The following ARHGAP26 variants were observed in gnomAD, a reference collection of about 807,000 sequenced individuals.
The protein encoded by ARHGAP26 is Rho GTPase activating protein 26, also known as rho GTPase-activating protein 26.
A neutral mutation model predicts 104.8 loss-of-function variants in ARHGAP26; 38 were observed. The observed-to-expected ratio is 0.36, with a 90% CI of 0.28 to 0.48. ARHGAP26 has a LOEUF of 0.48. Among genes scored for constraint, ARHGAP26 ranks in the 20% least tolerant of loss-of-function variants. The pLI is 0.99. For missense variants in ARHGAP26, 704 were observed against 947.9 expected, an observed-to-expected ratio of 0.74 and a Z score of 3.38; for synonymous variants, 341 against 340.0, an observed-to-expected ratio of 1.00 and a Z score of -0.03.
chr5:142,888,021 AT>A (rs1203076332), intron 5 of ARHGAP26, among the ~76,000 whole-genome samples: 1 of 152,178 alleles, frequency 6.6e-6, no homozygotes, highest in Non-Finnish European at 1.5e-5. Context: ...CAGTGATGAT[AT>A]TACTACTGCC....
chr5:142,861,211 G>A (rs1195981289), intron 1 of ARHGAP26, among the ~76,000 whole-genome samples: 3 of 152,126 alleles, frequency 2.0e-5, no homozygotes, highest in African/African-American at 7.2e-5. Context: ...GCCCACTCAG[G>A]CTTCCGTTCT....
rs541188360 is a variant in ARHGAP26 at position 143,127,082 on chromosome 5, C to T, written c.1698+5935C>T. Among the ~76,000 whole-genome samples the T allele has an allele frequency of 1.6e-4, 24 of 152,246 alleles. No individual in the cohort carries two copies. The South Asian group carries it at 3.3e-3, about 21-fold the overall frequency. On this transcript the variant is annotated intron_variant, in intron 18 of 22. Coordinates refer to ENST00000645722, the MANE Select transcript of ARHGAP26 (RefSeq NM_001135608.3). ...TTTTCCCTTTACTTAGTGTTTTAAA[C>T]GCTTACTTGCTAATGACTATGACAA...
chr5:143,007,028 G>A (rs1228106126), intron 11 of ARHGAP26, among the ~76,000 whole-genome samples: 1 of 151,658 alleles, frequency 6.6e-6, no homozygotes, highest in African/African-American at 2.4e-5. Flanking sequence ...TCAGGAGTTC[G>A]GTGAAACCCC....
chr5:142,958,459 G>A (rs370529581), intron 11 of ARHGAP26, among the ~76,000 whole-genome samples: 196 of 152,274 alleles, frequency 1.3e-3, no homozygotes, highest in African/African-American at 4.5e-3. Context: ...TTGAGTCTTG[G>A]AGTTTGAGAC....
intron 19 of ARHGAP26, among the ~76,000 whole-genome samples, chr5:143,141,950 A>G (rs1798589325): frequency 6.6e-6 from 1 of 152,124 alleles, no homozygotes; most frequent in Admixed American, 6.5e-5. Flanking sequence ...TTCTCTCATG[A>G]AATTCAGTTT....
At chr5:143,013,472 T>C (rs1486713899) in intron 11 of ARHGAP26, among the ~76,000 whole-genome samples, 1 of 152,228 alleles carries the variant, frequency 6.6e-6, no homozygotes, top group Non-Finnish European at 1.5e-5. Context: ...TTAAGGGGTT[T>C]CTATGGAAAA....
intron 20 of ARHGAP26, among the ~76,000 whole-genome samples, chr5:143,186,254 G>A (rs1367133387): frequency 1.3e-5 from 2 of 152,174 alleles, no homozygotes; most frequent in Admixed American, 6.5e-5. Flanking sequence ...TGTATGAAAC[G>A]TTATGTCATG....
intron 17 of ARHGAP26, among the ~76,000 whole-genome samples, chr5:143,080,569 A>G (rs1789653422): frequency 6.6e-6 from 1 of 152,208 alleles, no homozygotes; most frequent in Admixed American, 6.5e-5. Context: ...GGGAACAGCA[A>G]GTGCAAAAAC....
Position 143,224,726 on chromosome 5 carries a change from C to T in ARHGAP26, c.*2280C>T, listed in dbSNP as rs1261372160. 4.4e-6 allele frequency: 1 copy of T among 229,192 alleles called. No homozygotes were observed. The highest frequency in any genetic ancestry group is 1.8e-4 in the South Asian group (1 of 5,488). 14.2% of individuals were successfully genotyped at this position (229,192 alleles called of 1,614,324 possible). A position where few individuals can be genotyped will look rare whatever the true frequency, so the allele number is the denominator to read the frequency against. On this transcript the variant is annotated 3_prime_UTR_variant, in exon 23 of 23. Transcript: ENST00000645722. ...ATGTTCAGTTCTCAATGTGCTGCTGCTTTCCCTTCTCCTAAACATTTTAAA... is the reference window on the plus strand; with the variant it reads ...ATGTTCAGTTCTCAATGTGCTGCTGTTTTCCCTTCTCCTAAACATTTTAAA...
At chr5:142,815,372 A>C (rs796524395) in intron 1 of ARHGAP26, among the ~76,000 whole-genome samples, 13 of 152,214 alleles carry the variant, frequency 8.5e-5, no homozygotes, top group African/African-American at 2.6e-4. Flanking sequence ...TTGCTTTTCT[A>C]TTTCTATTTT....
intron 11 of ARHGAP26, among the ~76,000 whole-genome samples, chr5:142,984,524 A>G (rs184321537): frequency 1.6e-4 from 25 of 152,326 alleles, no homozygotes; most frequent in Admixed American, 1.6e-3. Context: ...TTTTGTATAT[A>G]AGAAACAGAT....
At chr5:143,130,979 C>G (rs1244063071) in intron 18 of ARHGAP26, among the ~76,000 whole-genome samples, 1 of 152,212 alleles carries the variant, frequency 6.6e-6, no homozygotes. Context: ...GAGAATAGCC[C>G]TATCAGCGGT....
intron 6 of ARHGAP26, among the ~76,000 whole-genome samples, chr5:142,897,441 G>C (rs1453195540): frequency 9.2e-5 from 14 of 152,216 alleles, no homozygotes; most frequent in Non-Finnish European, 8.8e-5. Flanking sequence ...GGCTTCAGGA[G>C]CTGGGGATGG....
At chr5:143,066,249 A>T (rs536083983) in intron 17 of ARHGAP26, among the ~76,000 whole-genome samples, 4 of 152,346 alleles carry the variant, frequency 2.6e-5, no homozygotes, top group Non-Finnish European at 5.9e-5. Flanking sequence ...CACAGAGCCT[A>T]GGTGTGCAGC....
chr5:142,977,765 G>C (rs1481902958), intron 11 of ARHGAP26, among the ~76,000 whole-genome samples: 1 of 152,216 alleles, frequency 6.6e-6, no homozygotes, highest in Non-Finnish European at 1.5e-5. Flanking sequence ...CTGTTATCCT[G>C]CCTTGACCAC....
At chr5:142,960,330 G>T (rs1218409749) in intron 11 of ARHGAP26, among the ~76,000 whole-genome samples, 1 of 152,220 alleles carries the variant, frequency 6.6e-6, no homozygotes, top group Non-Finnish European at 1.5e-5. Flanking sequence ...CTCATCGATG[G>T]ATTCACTTTC....
intron 19 of ARHGAP26, 118 bp downstream of exon 19, chr5:143,134,223 A>G (rs1362257502): frequency 4.0e-6 from 5 of 1,253,294 alleles, no homozygotes; most frequent in Non-Finnish European, 5.3e-6. Context: ...TGTGTCCTTG[A>G]AGACTGTATC....
chr5:143,194,711 A>C (rs764846481), intron 20 of ARHGAP26, among the ~76,000 whole-genome samples: 1 of 152,216 alleles, frequency 6.6e-6, no homozygotes, highest in Non-Finnish European at 1.5e-5. Flanking sequence ...ATTTGTTTTT[A>C]TTCACAGATG....
chr5:142,960,506 T>C, intron 11 of ARHGAP26, among the ~76,000 whole-genome samples: 1 of 152,236 alleles, frequency 6.6e-6, no homozygotes. Context: ...TGTCTATCCA[T>C]TAGTCACCTA....
Sources: gnomAD v4.1 joint callset for allele counts (sites outside exome capture counted in the v4.1 genomes callset) on GRCh38, gnomAD v4.1.1 for gene constraint, MANE v1.5 for transcripts, NCBI Gene and HGNC (gene_info 2026-07-23, HGNC 2026-07-21) for gene names.